The following XIRP2 variants were observed in gnomAD, a reference collection of about 807,000 sequenced individuals.
XIRP2 encodes the protein xin actin-binding repeat-containing protein 2.
A neutral mutation model predicts 277.0 loss-of-function variants in XIRP2; 236 were observed. That is an observed-to-expected ratio of 0.85 (90% confidence interval 0.77 to 0.95). The LOEUF (loss-of-function observed/expected upper bound fraction) is 0.95, where lower values mean the gene tolerates loss of function less well. Ranked by LOEUF, XIRP2 falls within the 40% of genes least tolerant of loss-of-function variation. The pLI is 0.00. For missense variants in XIRP2, 4,640 were observed against 4,157.5 expected (o/e 1.12, Z -3.19); for synonymous variants, 1,490 against 1,416.5 (o/e 1.05, Z -1.17).
At chr2:166,955,226 C>A (rs1224002061) in intron 2 of XIRP2, among the ~76,000 whole-genome samples, 1 of 151,754 alleles carries the variant, frequency 6.6e-6, no homozygotes, top group African/African-American at 2.4e-5. Context: ...GAAAACTATT[C>A]AGCCATAAGA....
Position 167,237,950 on chromosome 2 carries a change from G to A in XIRP2, c.859-1905G>A, listed in dbSNP as rs1014320534. Among the ~76,000 whole-genome samples the A allele has an allele frequency of 2.6e-5, 4 of 152,124 alleles. No individual in the cohort carries two copies. The South Asian group carries it at 6.2e-4, about 24-fold the overall frequency. ...TCAATGATTGTTATTGCTGTCTCTA[G>A]CATAATGCTATTGGTAGCCTCAAAT... is the stretch of plus-strand genomic sequence containing the variant. On this transcript the variant is annotated intron_variant, in intron 5 of 10. Coordinates refer to ENST00000409195, the MANE Select transcript of XIRP2 (RefSeq NM_152381.6).
At chr2:167,155,501 G>T (rs562418194) in intron 3 of XIRP2, among the ~76,000 whole-genome samples, 14 of 152,238 alleles carry the variant, frequency 9.2e-5, no homozygotes, top group Non-Finnish European at 8.8e-5. Flanking sequence ...AAAACCACAT[G>T]ATTATCTCAA....
At chr2:167,150,085 G>A (rs567177020) in intron 3 of XIRP2, among the ~76,000 whole-genome samples, 4 of 151,690 alleles carry the variant, frequency 2.6e-5, no homozygotes, top group African/African-American at 7.2e-5. Context: ...AAACTGCACC[G>A]GTACCCCCTG....
intron 3 of XIRP2, among the ~76,000 whole-genome samples, chr2:167,176,753 T>A (rs990154818): frequency 6.6e-6 from 1 of 152,212 alleles, no homozygotes; most frequent in African/African-American, 2.4e-5. Flanking sequence ...GTCTTTGTTA[T>A]ATTTAGTTCA....
chr2:166,974,176 C>T (rs980856300), intron 2 of XIRP2, among the ~76,000 whole-genome samples: 1 of 152,120 alleles, frequency 6.6e-6, no homozygotes, highest in Non-Finnish European at 1.5e-5. Flanking sequence ...CCCCAGTCTG[C>T]AGCACGAGTT....
rs1478153054 is a variant in XIRP2 at position 167,245,581 on chromosome 2, G to T, written c.4189G>T (p.Asp1397Tyr). ...ATACAGATTTGAAACTCAGCCACTG[G>T]ATCAGATTTCTGAAGAATCACATAA... is the stretch of plus-strand genomic sequence containing the variant. ...VRYRFETQPL[D>Y]QISEESHNIM... Residue 1397 changes from aspartate to tyrosine, a missense_variant, in exon 9 of 11, where the codon GAT (aspartate) becomes TAT (tyrosine). Physicochemically the swap from Asp to Tyr is radical, Grantham distance 160 (BLOSUM62 -3). Coordinates refer to ENST00000409195, the MANE Select transcript of XIRP2 (RefSeq NM_152381.6). 3.1e-6 allele frequency: 5 copies of T among 1,613,642 alleles called. No individual in the cohort carries two copies. Among genetic ancestry groups the T allele is most frequent in the Non-Finnish European group, 3.4e-6 (4 of 1,179,740 alleles).
At chr2:166,936,528 G>C (rs1685507682) in intron 2 of XIRP2, among the ~76,000 whole-genome samples, 2 of 152,172 alleles carry the variant, frequency 1.3e-5, no homozygotes, top group South Asian at 4.1e-4. Flanking sequence ...TTTTCTTCTA[G>C]GGTTTTCATA....
chr2:166,954,125 A>C (rs1453463433), intron 2 of XIRP2, among the ~76,000 whole-genome samples: 4 of 151,946 alleles, frequency 2.6e-5, no homozygotes, highest in African/African-American at 9.7e-5. Flanking sequence ...GTGAGGGACC[A>C]CAAAAATGAC....
chr2:167,034,671 A>C (rs1048690043), intron 2 of XIRP2, among the ~76,000 whole-genome samples: 2 of 152,192 alleles, frequency 1.3e-5, no homozygotes, highest in Admixed American at 1.3e-4. Context: ...TCAAGACAAA[A>C]ACTGTTAGAA....
chr2:167,238,642 T>C (rs908107913), intron 5 of XIRP2, among the ~76,000 whole-genome samples: 3 of 152,194 alleles, frequency 2.0e-5, no homozygotes, highest in African/African-American at 7.2e-5. Flanking sequence ...TAGTATACTA[T>C]TTTAATTAAT....
At chr2:167,197,991 A>G (rs546449111) in intron 3 of XIRP2, among the ~76,000 whole-genome samples, 5 of 152,316 alleles carry the variant, frequency 3.3e-5, no homozygotes, top group African/African-American at 9.6e-5. Flanking sequence ...AACAGCATAA[A>G]TGCGTTCTTC....
At chr2:167,236,235 C>T (rs1200292930) in intron 5 of XIRP2, among the ~76,000 whole-genome samples, 2 of 151,438 alleles carry the variant, frequency 1.3e-5, no homozygotes, top group Non-Finnish European at 2.9e-5. Context: ...AATAGTGAGT[C>T]GCCATAAAAA....
intron 2 of XIRP2, among the ~76,000 whole-genome samples, chr2:166,911,127 G>T (rs1296459837): frequency 6.6e-6 from 1 of 152,160 alleles, no homozygotes; most frequent in Non-Finnish European, 1.5e-5. Flanking sequence ...TGTCTATTAG[G>T]TCCGCTTGTT....
chr2:167,053,115 A>G (rs1350790054), intron 2 of XIRP2, among the ~76,000 whole-genome samples: 2 of 152,160 alleles, frequency 1.3e-5, no homozygotes, highest in Non-Finnish European at 2.9e-5. Flanking sequence ...TCCCGTCTCC[A>G]TCAGTTATGA....
rs1312826361 is a variant in XIRP2 at position 167,245,317 on chromosome 2, G to A, written c.3925G>A (p.Val1309Ile). The A allele has an allele frequency of 6.2e-7, 1 of 1,613,690 alleles. No homozygotes were observed. Residue 1309 changes from valine (V) to isoleucine (I), a missense_variant, in exon 9 of 11, where the codon GTA becomes ATA. Val to Ile is a conservative substitution (Grantham distance 29, BLOSUM62 3). Coordinates refer to ENST00000409195, the MANE Select transcript of XIRP2 (RefSeq NM_152381.6). ...TACTGAAGAAGTAATACAGGGTGATGTAAAAAGCTACAGAATGCTCTTTGA... is the reference window on the plus strand; with the variant it reads ...TACTGAAGAAGTAATACAGGGTGATATAAAAAGCTACAGAATGCTCTTTGA... ...TITEEVIQGDVKSYRMLFETQ... is the reference protein window; with the variant it reads ...TITEEVIQGDIKSYRMLFETQ...
chr2:167,024,849 G>T (rs1282212583), intron 2 of XIRP2, among the ~76,000 whole-genome samples: 1 of 152,072 alleles, frequency 6.6e-6, no homozygotes, highest in Non-Finnish European at 1.5e-5. Context: ...TGCTGGATTT[G>T]GTTTGCCAGT....
At chr2:167,214,129 G>GGAAGGAAGGAAGGAAGGAAGCAAA (rs1694152764) in intron 4 of XIRP2, among the ~76,000 whole-genome samples, 1 of 121,676 alleles carries the variant, frequency 8.2e-6, no homozygotes, top group African/African-American at 3.6e-5. Flanking sequence ...AAGGAAGGAA[G>GGAAGGAAGGAAGGAAGGAAGCAAA]GAAGGAAGCA....
chr2:167,064,653 C>A (rs1689257196), intron 2 of XIRP2, among the ~76,000 whole-genome samples: 1 of 151,862 alleles, frequency 6.6e-6, no homozygotes, highest in South Asian at 2.1e-4. Context: ...CATTAAACAG[C>A]AACTCCCCTT....
At chr2:167,092,504 T>C (rs192602699) in intron 2 of XIRP2, among the ~76,000 whole-genome samples, 16 of 152,186 alleles carry the variant, frequency 1.1e-4, no homozygotes, top group Admixed American at 8.5e-4. Flanking sequence ...TATAAAAGTA[T>C]TTTTTTCTGG....
Sources: gnomAD v4.1 joint callset for allele counts (sites outside exome capture counted in the v4.1 genomes callset) on GRCh38, gnomAD v4.1.1 for gene constraint, MANE v1.5 for transcripts, NCBI Gene and HGNC (gene_info 2026-07-23, HGNC 2026-07-21) for gene names.